The following MAP7 variants were observed in gnomAD, a reference collection of about 807,000 sequenced individuals.
MAP7 encodes microtubule associated protein 7, also known as ensconsin.
MAP7 carries 52 observed loss-of-function variants against 94.8 expected under a neutral mutation model. The observed-to-expected ratio is 0.55, with a 90% CI of 0.44 to 0.69. The LOEUF (loss-of-function observed/expected upper bound fraction) is 0.69. MAP7 is among the 30% of genes least tolerant of loss of function. The pLI, the probability that MAP7 is intolerant of heterozygous loss-of-function variation, is 0.00. For missense variants in MAP7, 940 were observed against 964.6 expected (o/e 0.97, Z 0.34); for synonymous variants, 350 against 357.0 (o/e 0.98, Z 0.22).
At chr6:136,346,433 G>A (rs1164954405) in intron 16 of MAP7, among the ~76,000 whole-genome samples, 1 of 152,034 alleles carries the variant, frequency 6.6e-6, no homozygotes, top group Non-Finnish European at 1.5e-5. Flanking sequence ...GTGGTGGCAC[G>A]CACCAGTAGT....
intron 3 of MAP7, among the ~76,000 whole-genome samples, chr6:136,396,376 A>T (rs1397382459): frequency 6.6e-6 from 1 of 152,170 alleles, no homozygotes; most frequent in Non-Finnish European, 1.5e-5. Context: ...ACTGAGTTAC[A>T]GAAACACTGA....
rs55696468 is a variant in MAP7 at position 136,532,072 on chromosome 6, T to C, written c.67+18270A>G. Among the ~76,000 whole-genome samples, 1,460 of 151,908 alleles carry C rather than the reference T, an allele frequency of 9.6e-3. 11 individuals are homozygous for C. Among genetic ancestry groups the C allele is most frequent in the Non-Finnish European group, 0.016 (1,113 of 68,006 alleles). ...ATAAACAGGAACATATCTTTTTATA[T>C]GTAAAAAAAGTTCAACTGGACAGGT... On this transcript the variant is annotated intron_variant, in intron 1 of 17. Coordinates refer to ENST00000354570, the MANE Select transcript of MAP7 (RefSeq NM_003980.6).
intron 5 of MAP7, among the ~76,000 whole-genome samples, chr6:136,384,860 G>T (rs1778770438): frequency 6.6e-6 from 1 of 152,126 alleles, no homozygotes; most frequent in African/African-American, 2.4e-5. Flanking sequence ...CCTGCTGTTG[G>T]TATAGTAGAC....
intron 1 of MAP7, among the ~76,000 whole-genome samples, chr6:136,536,441 G>A (rs975096382): frequency 1.3e-5 from 2 of 152,114 alleles, no homozygotes; most frequent in African/African-American, 4.8e-5. Flanking sequence ...GGCAGCTTAG[G>A]AAGGATTATA....
chr6:136,384,169 A>C (rs1778540003), intron 5 of MAP7, among the ~76,000 whole-genome samples: 1 of 152,216 alleles, frequency 6.6e-6, no homozygotes, highest in South Asian at 2.1e-4. Context: ...CATGCTGGTA[A>C]CATAGAACGC....
intron 7 of MAP7, among the ~76,000 whole-genome samples, chr6:136,372,859 G>A (rs915296401): frequency 9.2e-5 from 14 of 152,242 alleles, no homozygotes; most frequent in Non-Finnish European, 1.8e-4. Flanking sequence ...GCATGTCCAC[G>A]TAAAAAATCT....
intron 16 of MAP7, among the ~76,000 whole-genome samples, chr6:136,346,380 T>C (rs1458528433): frequency 2.6e-5 from 4 of 151,960 alleles, no homozygotes; most frequent in Non-Finnish European, 5.9e-5. Context: ...CTGGTAAACA[T>C]AGCAAGACCC....
At chr6:136,409,918 G>A (rs1232448572) in intron 3 of MAP7, among the ~76,000 whole-genome samples, 2 of 152,160 alleles carry the variant, frequency 1.3e-5, no homozygotes, top group Admixed American at 6.5e-5. Context: ...TTGAAATATG[G>A]CATTACATGT....
At chr6:136,344,272 T>C (rs777957511) in intron 17 of MAP7, 34 bp from the exon 18 acceptor site, 4 of 1,130,490 alleles carry the variant, frequency 3.5e-6, no homozygotes, top group Non-Finnish European at 4.8e-6. Flanking sequence ...ACAAGATTAA[T>C]ATGACATTTA....
intron 1 of MAP7, among the ~76,000 whole-genome samples, chr6:136,452,076 C>T (rs559575360): frequency 6.6e-6 from 1 of 152,242 alleles, no homozygotes; most frequent in East Asian, 1.9e-4. Flanking sequence ...TGCCTGTAAT[C>T]CCAGCTACTC....
intron 3 of MAP7, among the ~76,000 whole-genome samples, chr6:136,400,480 C>A (rs1783769871): frequency 6.7e-6 from 1 of 149,204 alleles, no homozygotes; most frequent in South Asian, 2.1e-4. Context: ...GGACTAAAAT[C>A]AAGCCTATTA....
intron 1 of MAP7, among the ~76,000 whole-genome samples, chr6:136,437,680 A>G (rs1157757985): frequency 2.0e-5 from 3 of 152,194 alleles, no homozygotes; most frequent in Non-Finnish European, 4.4e-5. Flanking sequence ...TCAGCTGACA[A>G]TACATTTTAG....
chr6:136,516,041 G>A (rs528630991), intron 1 of MAP7, among the ~76,000 whole-genome samples: 8 of 152,128 alleles, frequency 5.3e-5, no homozygotes, highest in South Asian at 2.1e-4. Flanking sequence ...TGCAAGCTTC[G>A]TCTAGTTGAG....
intron 16 of MAP7, among the ~76,000 whole-genome samples, chr6:136,352,981 T>G (rs1419502772): frequency 3.9e-5 from 6 of 152,266 alleles, no homozygotes; most frequent in Non-Finnish European, 7.4e-5. Context: ...TCAAAATAAT[T>G]AAGGGAAGCA....
At position 136,362,605 on chromosome 6, in the gene MAP7, C is replaced by A. The variant is rs749696752; in HGVS notation, c.1371G>T (p.Pro457=). The change falls in exon 11 of 18, where the codon CCG becomes CCT. Residue 457 remains proline, a synonymous_variant. Coordinates refer to ENST00000354570, the MANE Select transcript of MAP7 (RefSeq NM_003980.6). ...PVPTPAMVSA[P]SSTVNASASV... is the part of the protein sequence containing the mutation. ...AAGCACTGGCATTCACAGTGGATGA[C>A]GGGGCTGAGACCATGGCTGGGGTGG... 4.0e-5 allele frequency: 64 copies of A among 1,613,762 alleles called. No homozygotes were observed. The East Asian group carries it at 1.4e-3, about 35-fold the overall frequency.
intron 1 of MAP7, among the ~76,000 whole-genome samples, chr6:136,512,998 G>GGTTTTGTTTTGTTTT (rs111786683): frequency 0.071 from 10,723 of 151,292 alleles, 827 homozygotes; most frequent in African/African-American, 0.19. Flanking sequence ...CACCAAGCTA[G>GGTTTTGTTTTGTTTT]GTTTTGTTTT....
chr6:136,490,396 T>A (rs1816202566), intron 1 of MAP7, among the ~76,000 whole-genome samples: 1 of 152,216 alleles, frequency 6.6e-6, no homozygotes, highest in Non-Finnish European at 1.5e-5. Context: ...ATGATCTTAG[T>A]TAAACTTAGC....
chr6:136,544,740 T>C lies in MAP7; in HGVS notation c.67+5602A>G, dbSNP rs191746296. 4.3e-4 allele frequency among the ~76,000 whole-genome samples: 66 copies of C among 152,326 alleles called. 1 individual carries two copies. The highest frequency in any genetic ancestry group is 1.6e-3 in the African/African-American group (66 of 41,570). On this transcript the variant is annotated intron_variant, in intron 1 of 17. Transcript: ENST00000354570. ...TTTTGAACATTTCCACTTACAGATCTCTCTTGTACCACACATTTTCATGTC... is the reference window on the plus strand; with the variant it reads ...TTTTGAACATTTCCACTTACAGATCCCTCTTGTACCACACATTTTCATGTC...
chr6:136,535,910 C>T (rs914316050), intron 1 of MAP7, among the ~76,000 whole-genome samples: 7 of 151,850 alleles, frequency 4.6e-5, no homozygotes, highest in Middle Eastern at 3.4e-3. Context: ...CCCCACCCCA[C>T]GACAGGCCCC....
Sources: allele counts gnomAD v4.1 joint callset (sites outside exome capture counted in the v4.1 genomes callset), GRCh38; gene constraint gnomAD v4.1.1; transcripts MANE v1.5; gene names NCBI Gene and HGNC (gene_info 2026-07-23, HGNC 2026-07-21).